Variants in SSX2IP observed in about 807,000 individuals in gnomAD.
The protein encoded by SSX2IP is SSX family member 2 interacting protein.
Under a neutral mutation model 84.9 loss-of-function variants are expected in SSX2IP, and 55 were observed. That is an observed-to-expected ratio of 0.65 (90% CI 0.52 to 0.81). The LOEUF (loss-of-function observed/expected upper bound fraction) is 0.81. SSX2IP is among the 30% of genes least tolerant of loss of function. SSX2IP has a pLI of 0.00. For missense variants in SSX2IP, 664 were observed against 705.2 expected, an observed-to-expected ratio of 0.94 and a Z score of 0.66; for synonymous variants, 239 against 234.7, an observed-to-expected ratio of 1.02 and a Z score of -0.17.
At chr1:84,671,016 A>G (rs1326804213) in intron 2 of SSX2IP, among the ~76,000 whole-genome samples, 161 bp downstream of exon 2, 2 of 152,208 alleles carry the variant, frequency 1.3e-5, no homozygotes, top group African/African-American at 4.8e-5. Flanking sequence ...AAAAGATACA[A>G]ATACAGTGGT....
intron 11 of SSX2IP, among the ~76,000 whole-genome samples, chr1:84,654,487 T>A (rs1364651917): frequency 6.6e-6 from 1 of 152,018 alleles, no homozygotes; most frequent in Non-Finnish European, 1.5e-5. Context: ...TCATGCACTA[T>A]TTATAAAAAA....
At chr1:84,672,672 T>G (rs1366877627) in intron 1 of SSX2IP, among the ~76,000 whole-genome samples, 2 of 152,156 alleles carry the variant, frequency 1.3e-5, no homozygotes, top group South Asian at 4.1e-4. Flanking sequence ...GGATCAAGAG[T>G]TCACAACCAC....
intron 12 of SSX2IP, 49 bp from the exon 13 acceptor site, chr1:84,650,576 T>G: frequency 6.3e-7 from 1 of 1,591,282 alleles, no homozygotes; most frequent in Non-Finnish European, 8.6e-7. Context: ...GGTGAGGCAT[T>G]AAATATAGTG....
intron 4 of SSX2IP, among the ~76,000 whole-genome samples, chr1:84,669,425 C>T (rs1449050989): frequency 1.3e-5 from 2 of 151,972 alleles, no homozygotes; most frequent in African/African-American, 4.8e-5. Flanking sequence ...TTTATTTTCC[C>T]AGAGCATAAA....
chr1:84,666,058 C>T, intron 5 of SSX2IP, 64 bp downstream of exon 5: 1 of 1,205,170 alleles, frequency 8.3e-7, no homozygotes. Context: ...CTCTTATGGT[C>T]ATCTCATATT....
intron 1 of SSX2IP, among the ~76,000 whole-genome samples, chr1:84,685,995 G>A (rs1031727186): frequency 1.1e-4 from 17 of 152,046 alleles, no homozygotes; most frequent in African/African-American, 3.4e-4. Flanking sequence ...CTCTATATAC[G>A]ATTTCAAAAT....
intron 9 of SSX2IP, chr1:84,658,085 G>A (rs750252897): frequency 5.2e-5 from 21 of 405,130 alleles, no homozygotes; most frequent in Non-Finnish European, 8.2e-5. Context: ...ACAGTGAGCC[G>A]AGATGGCACC....
At chr1:84,647,746 T>TA in intron 13 of SSX2IP, 139 bp from the exon 14 acceptor site, 1 of 309,464 alleles carries the variant, frequency 3.2e-6, no homozygotes, top group Non-Finnish European at 5.2e-6. Context: ...TTTAAAATTT[T>TA]ACTTGGAAAA....
intron 1 of SSX2IP, among the ~76,000 whole-genome samples, chr1:84,675,059 T>C (rs1478937108): frequency 6.6e-6 from 1 of 152,222 alleles, no homozygotes; most frequent in East Asian, 1.9e-4. Flanking sequence ...TCAATGTTAA[T>C]TTCAAAAGCA....
At chr1:84,659,354 G>T (rs558996040) in intron 8 of SSX2IP, among the ~76,000 whole-genome samples, 5 of 152,106 alleles carry the variant, frequency 3.3e-5, no homozygotes, top group African/African-American at 9.7e-5. Context: ...TCTCTGAGGC[G>T]GAGCAGACAG....
At chr1:84,666,707 T>C (rs1246717137) in intron 4 of SSX2IP, among the ~76,000 whole-genome samples, 1 of 152,066 alleles carries the variant, frequency 6.6e-6, no homozygotes, top group Non-Finnish European at 1.5e-5. Context: ...ACACATCAAG[T>C]CACAGAAATG....
rs531254489 is a variant in SSX2IP, at chr1:84,645,523, T to C, written c.*1910A>G. Reference sequence around the variant, plus strand: ...ACGCAACAAAAAACAGATGCTGCTTTCTAGAACTCCATTGTCATGAAATAT... The same window carrying C: ...ACGCAACAAAAAACAGATGCTGCTTCCTAGAACTCCATTGTCATGAAATAT... On this transcript the variant is annotated 3_prime_UTR_variant, in exon 14 of 14. Transcript: ENST00000342203. 1.2e-4 allele frequency: 19 copies of C among 152,332 alleles called. No individual in the cohort carries two copies. In the South Asian group the frequency reaches 3.9e-3, roughly 32 times the overall value. The allele number at this position is 152,332 out of a possible 1,614,324, so 9.4% of individuals were successfully genotyped here.
intron 1 of SSX2IP, among the ~76,000 whole-genome samples, chr1:84,685,555 G>T (rs1034904529): frequency 1.3e-5 from 2 of 152,152 alleles, no homozygotes; most frequent in Admixed American, 1.3e-4. Flanking sequence ...CAACAGATTA[G>T]GTAACTTACA....
chr1:84,666,054 T>C (rs1652737358), intron 5 of SSX2IP, 68 bp downstream of exon 5: 8 of 1,167,424 alleles, frequency 6.9e-6, no homozygotes, highest in Middle Eastern at 2.0e-4. Flanking sequence ...GTGGCTCTTA[T>C]GGTCATCTCA....
intron 11 of SSX2IP, 43 bp from the exon 12 acceptor site, chr1:84,652,040 T>G: frequency 7.1e-7 from 1 of 1,415,244 alleles, no homozygotes; most frequent in Non-Finnish European, 1.0e-6. Flanking sequence ...TATTTCAACA[T>G]CCACACAGTT....
chr1:84,660,558 G>A (rs1233395488), intron 8 of SSX2IP, among the ~76,000 whole-genome samples: 1 of 152,122 alleles, frequency 6.6e-6, no homozygotes, highest in Non-Finnish European at 1.5e-5. Flanking sequence ...AGATATTCGG[G>A]AATTTGAGAC....
chr1:84,655,049 T>G (rs1373771050), intron 11 of SSX2IP, among the ~76,000 whole-genome samples: 1 of 151,962 alleles, frequency 6.6e-6, no homozygotes, highest in Admixed American at 6.6e-5. Flanking sequence ...AGGAACAATA[T>G]TATGAAGACA....
At chr1:84,675,637 C>A (rs1161316879) in intron 1 of SSX2IP, among the ~76,000 whole-genome samples, 1 of 152,156 alleles carries the variant, frequency 6.6e-6, no homozygotes, top group Non-Finnish European at 1.5e-5. Context: ...ACGTGTGGGA[C>A]AAAGGACAGA....
chr1:84,650,993 C>A (rs1650160509), intron 12 of SSX2IP, among the ~76,000 whole-genome samples: 1 of 152,102 alleles, frequency 6.6e-6, no homozygotes. Flanking sequence ...GCGTGAGCCA[C>A]CGTGCCCAGC....
Sources: gnomAD v4.1 joint callset for allele counts (sites outside exome capture counted in the v4.1 genomes callset) on GRCh38, gnomAD v4.1.1 for gene constraint, MANE v1.5 for transcripts, NCBI Gene and HGNC (gene_info 2026-07-23, HGNC 2026-07-21) for gene names.